The following ORAI2 variants were observed in gnomAD, a reference collection of about 807,000 sequenced individuals.
ORAI2 encodes protein orai-2.
A neutral mutation model predicts 16.2 loss-of-function variants in ORAI2; 10 were observed. That is an observed-to-expected ratio of 0.62 (90% confidence interval 0.38 to 1.04). ORAI2 has a LOEUF of 1.04. Among genes scored for constraint, ORAI2 ranks in the 50% least tolerant of loss-of-function variants. The pLI, the probability that ORAI2 is intolerant of heterozygous loss-of-function variation, is 0.01. For synonymous variants in ORAI2, 150 were observed against 157.5 expected (o/e 0.95, Z 0.35); for missense variants, 238 against 355.5 (o/e 0.67, Z 2.66).
Position 102,446,512 on chromosome 7 carries a change from G to A in ORAI2, c.226-1G>A, listed in dbSNP as rs1797368566. On this transcript the variant is annotated splice_acceptor_variant, in intron 3 of 3. Transcript: ENST00000495936. LOFTEE classifies it high-confidence loss of function. ...GCACCACTCGTCTGCTGTCCCCGCA[G>A]GTGGCCATGGTGGAGGTGCAGCTGG... The A allele has an allele frequency of 1.2e-6, 2 of 1,605,308 alleles. No individual in the cohort carries two copies. Among genetic ancestry groups the A allele is most frequent in the Non-Finnish European group, 1.7e-6 (2 of 1,176,386 alleles).
intron 3 of ORAI2, among the ~76,000 whole-genome samples, chr7:102,445,622 G>T (rs923490758): frequency 6.6e-6 from 1 of 151,688 alleles, no homozygotes; most frequent in Admixed American, 6.6e-5. Context: ...GGCTAATTTT[G>T]TATTTTTTAT....
rs1299952346 is a variant in ORAI2, at chr7:102,439,102, C to T, written c.146C>T (p.Ser49Leu). Residue 49 changes from serine (S) to leucine (L), a missense_variant, in exon 3 of 4, where the codon TCG becomes TTG. By Grantham distance (145) the Ser-to-Leu change is moderately radical (BLOSUM62 -2). Around this residue, in one of 3 missense-constraint regions of ORAI2, gnomAD observed 61 missense variants for 72.7 expected, o/e 0.84. Transcript: ENST00000495936. ...AACCACCACTCGGTACAGGCCCTGT[C>T]GTGGCGGAAGCTCTACCTGAGCAGG... ...TSNHHSVQAL[S>L]WRKLYLSRAK... 8 of 1,614,064 alleles carry T rather than the reference C, an allele frequency of 5.0e-6. No homozygotes were observed. Among genetic ancestry groups the T allele is most frequent in the South Asian group, 1.1e-5 (1 of 91,082 alleles).
Position 102,453,267 on chromosome 7 carries a change from C to A in ORAI2, c.*6215C>A, listed in dbSNP as rs1797573027. 1 of 152,170 alleles carries A rather than the reference C, an allele frequency of 6.6e-6. No individual in the cohort carries two copies. Among genetic ancestry groups the A allele is most frequent in the African/African-American group, 2.4e-5 (1 of 41,436 alleles). 9.4% of individuals were successfully genotyped at this position (152,170 alleles called of 1,614,324 possible). On this transcript the variant is annotated 3_prime_UTR_variant, in exon 4 of 4. Transcript: ENST00000495936. ...GGGGTTACAGGTGTGAGCCACCACA[C>A]CCAGCCTTTCTTTTTGCATTTTTAA...
rs1186396324 is a variant in ORAI2, at chr7:102,452,149, T to C, written c.*5097T>C. On this transcript the variant is annotated 3_prime_UTR_variant, in exon 4 of 4. Transcript: ENST00000495936. ...GCACCAGACAGCCTTTTTTTTTTTT[T>C]TGAGACAGAGTCGCTCTGTCACCCA... 6.6e-6 allele frequency: 1 copy of C among 152,004 alleles called. No homozygotes were observed. 9.4% of individuals were successfully genotyped at this position (152,004 alleles called of 1,614,324 possible). A position where few individuals can be genotyped will look rare whatever the true frequency, so the allele number is the denominator to read the frequency against.
intron 3 of ORAI2, among the ~76,000 whole-genome samples, chr7:102,445,088 G>A (rs1057317667): frequency 6.6e-6 from 1 of 152,244 alleles, no homozygotes; most frequent in African/African-American, 2.4e-5. Flanking sequence ...ACCCAGCCAT[G>A]CCTCCTTTCC....
intron 3 of ORAI2, among the ~76,000 whole-genome samples, chr7:102,439,997 G>A (rs759453520): frequency 1.3e-5 from 2 of 152,098 alleles, no homozygotes; most frequent in African/African-American, 2.4e-5. Flanking sequence ...CACAAGAATC[G>A]CTTGAACCTG....
Position 102,452,756 on chromosome 7 carries a change from T to C in ORAI2, c.*5704T>C, listed in dbSNP as rs1320372495. On this transcript the variant is annotated 3_prime_UTR_variant, in exon 4 of 4. Transcript: ENST00000495936. ...CATGCCTGGCCCATTCTGTTTTTTG[T>C]CGGCCACTGAGGTAGAGGCCCTCTT... 1 of 152,206 alleles carries C rather than the reference T, an allele frequency of 6.6e-6. No homozygotes were observed. The highest frequency in any genetic ancestry group is 1.5e-5 in the Non-Finnish European group (1 of 68,088). The allele number at this position is 152,206 out of a possible 1,614,324, so 9.4% of individuals were successfully genotyped here. A position where few individuals can be genotyped will look rare whatever the true frequency, so the allele number is the denominator to read the frequency against.
rs112036271 is a variant in ORAI2, at chr7:102,441,678, T to C, written c.225+2497T>C. Among the ~76,000 whole-genome samples the C allele has an allele frequency of 6.2e-4, 94 of 152,172 alleles. 1 individual carries two copies. Among genetic ancestry groups the C allele is most frequent in the African/African-American group, 2.2e-3 (91 of 41,424 alleles). ...AAATATTGTTGTTTCATTTTGTTTT[T>C]TTCCCCCAAGTATTTTTGACCTGCG... On this transcript the variant is annotated intron_variant, in intron 3 of 3. Transcript: ENST00000495936.
intron 3 of ORAI2, among the ~76,000 whole-genome samples, chr7:102,444,446 T>C (rs2133230948): frequency 6.6e-6 from 1 of 151,148 alleles, no homozygotes; most frequent in African/African-American, 2.4e-5. Context: ...AGAGAAAGAG[T>C]TTTGCCATAT....
At chr7:102,443,455 AC>A in intron 3 of ORAI2, among the ~76,000 whole-genome samples, 1 of 150,150 alleles carries the variant, frequency 6.7e-6, no homozygotes, top group East Asian at 2.0e-4. Flanking sequence ...GTGGAACAAA[AC>A]CACTTTTTGC....
intron 3 of ORAI2, among the ~76,000 whole-genome samples, chr7:102,443,078 T>A (rs1203348189): frequency 6.8e-6 from 1 of 147,610 alleles, no homozygotes; most frequent in African/African-American, 2.5e-5. Flanking sequence ...CAGTGAAAAA[T>A]TGCCTTCTCT....
Position 102,436,330 on chromosome 7 carries a change from C to T in ORAI2, c.-17C>T. 1 of 985,484 alleles carries T rather than the reference C, an allele frequency of 1.0e-6. No homozygotes were observed. Among genetic ancestry groups the T allele is most frequent in the Non-Finnish European group, 1.2e-6 (1 of 829,954 alleles). 61.0% of individuals were successfully genotyped at this position (985,484 alleles called of 1,614,324 possible). ...CCTGAGTTGGCATTCGTATAAATGA[C>T]CTGGTAATTGGCATCCCCTGGCAGA... On this transcript the variant is annotated 5_prime_UTR_variant, in exon 2 of 4. Transcript: ENST00000495936.
At chr7:102,437,519 G>A (rs1797091211) in intron 2 of ORAI2, among the ~76,000 whole-genome samples, 1 of 152,204 alleles carries the variant, frequency 6.6e-6, no homozygotes, top group Non-Finnish European at 1.5e-5. Flanking sequence ...GGAGGCTGAG[G>A]CAGGAGAACG....
chr7:102,454,030 A>C lies in ORAI2; in HGVS notation c.*6978A>C, dbSNP rs1013485787. 1.3e-5 allele frequency: 2 copies of C among 151,546 alleles called. No homozygotes were observed. Among genetic ancestry groups the C allele is most frequent in the Non-Finnish European group, 2.9e-5 (2 of 68,062 alleles). The allele number at this position is 151,546 out of a possible 1,614,324, so 9.4% of individuals were successfully genotyped here. On this transcript the variant is annotated 3_prime_UTR_variant, in exon 4 of 4. Transcript: ENST00000495936. ...AGGCGTGAGCCACCTCGTCCGGCCCAAGACTTTTTGCCTCAGATGCTGCAG... is the reference window on the plus strand; with the variant it reads ...AGGCGTGAGCCACCTCGTCCGGCCCCAGACTTTTTGCCTCAGATGCTGCAG...
At position 102,448,962 on chromosome 7, in the gene ORAI2, G is replaced by A. The variant is rs1221652691; in HGVS notation, c.*1910G>A. ...AGCTTAAGCTCTCTCCGGGGTCCGG[G>A]TTGGCCGTGCCGTGGAATTCTGGGT... On this transcript the variant is annotated 3_prime_UTR_variant, in exon 4 of 4. Transcript: ENST00000495936. The A allele has an allele frequency of 6.6e-6, 1 of 152,110 alleles. No individual in the cohort carries two copies. Among genetic ancestry groups the A allele is most frequent in the Non-Finnish European group, 1.5e-5 (1 of 68,086 alleles). The allele number at this position is 152,110 out of a possible 1,614,324, so 9.4% of individuals were successfully genotyped here.
Position 102,450,877 on chromosome 7 carries a change from T to A in ORAI2, c.*3825T>A, listed in dbSNP as rs1223009626. 6.6e-6 allele frequency: 1 copy of A among 152,034 alleles called. No homozygotes were observed. The highest frequency in any genetic ancestry group is 1.5e-5 in the Non-Finnish European group (1 of 68,028). The allele number at this position is 152,034 out of a possible 1,614,324, so 9.4% of individuals were successfully genotyped here. On this transcript the variant is annotated 3_prime_UTR_variant, in exon 4 of 4. Coordinates refer to ENST00000495936, the MANE Select transcript of ORAI2 (RefSeq NM_001126340.3). ...AGCCTAGAAATTCGGTTTCTGGAGGTTTAGCCTGATTTTGAAGAGTATTTA... is the reference window on the plus strand; with the variant it reads ...AGCCTAGAAATTCGGTTTCTGGAGGATTAGCCTGATTTTGAAGAGTATTTA...
intron 3 of ORAI2, 137 bp downstream of exon 3, chr7:102,439,318 G>A (rs1797137514): frequency 5.7e-6 from 4 of 705,718 alleles, no homozygotes; most frequent in Middle Eastern, 3.9e-4. Context: ...ATCCACCCAC[G>A]TCCCAGCTGC....
At chr7:102,445,164 C>T (rs12671497) in intron 3 of ORAI2, among the ~76,000 whole-genome samples, 34,731 of 151,642 alleles carry the variant, frequency 0.23, 4,015 homozygotes, top group South Asian at 0.29. Context: ...GATGCCGGCT[C>T]TCACTGGGCT....
At chr7:102,437,761 A>G (rs1797097440) in intron 2 of ORAI2, among the ~76,000 whole-genome samples, 1 of 152,214 alleles carries the variant, frequency 6.6e-6, no homozygotes, top group Non-Finnish European at 1.5e-5. Context: ...CAAAAGCCCT[A>G]GAGGTGAGGC....
Sources: gnomAD v4.1 joint callset for allele counts (sites outside exome capture counted in the v4.1 genomes callset) on GRCh38, gnomAD v4.1.1 for gene constraint, gnomAD v4.1.1 regional missense constraint, MANE v1.5 for transcripts, NCBI Gene and HGNC (gene_info 2026-07-23, HGNC 2026-07-21) for gene names.